MIX23: variants seen among roughly 807,000 people sequenced by gnomAD.
MIX23 encodes the protein protein MIX23.
MIX23 carries 13 observed loss-of-function variants against 21.6 expected under a neutral mutation model. That is an observed-to-expected ratio of 0.60 (90% CI 0.39 to 0.96). MIX23 has a LOEUF of 0.96. Among genes scored for constraint, MIX23 ranks in the 40% least tolerant of loss-of-function variants. The pLI, the probability that MIX23 is intolerant of heterozygous loss-of-function variation, is 0.00. For synonymous variants in MIX23, 59 were observed against 58.0 expected (o/e 1.02, Z -0.08); for missense variants, 144 against 171.2 (o/e 0.84, Z 0.89).
intron 3 of MIX23, among the ~76,000 whole-genome samples, chr3:122,365,791 C>T (rs754579178): frequency 3.3e-5 from 5 of 152,172 alleles, no homozygotes; most frequent in Non-Finnish European, 7.3e-5. Flanking sequence ...AATTTAACAG[C>T]CTTTGCCCTG....
chr3:122,360,816 T>C (rs2075352804), intron 4 of MIX23, among the ~76,000 whole-genome samples: 1 of 152,140 alleles, frequency 6.6e-6, no homozygotes, highest in African/African-American at 2.4e-5. Context: ...ACACAGAGGT[T>C]GTGAGGTACT....
chr3:122,365,198 A>G (rs2075387753), intron 3 of MIX23: 1 of 152,186 alleles, frequency 6.6e-6, no homozygotes, highest in Non-Finnish European at 1.5e-5. Flanking sequence ...CAGGTAAACT[A>G]GTGGGGATTT....
chr3:122,382,838 TG>T (rs2075544538), intron 1 of MIX23, among the ~76,000 whole-genome samples: 1 of 152,242 alleles, frequency 6.6e-6, no homozygotes, highest in African/African-American at 2.4e-5. Flanking sequence ...AGGAGAGGAA[TG>T]GCAGAAGCTG....
At position 122,370,551 on chromosome 3, in the gene MIX23, G is replaced by A. The variant is rs187441774; in HGVS notation, c.177+1124C>T. Among the ~76,000 whole-genome samples, 22 of 150,092 alleles carry A rather than the reference G, an allele frequency of 1.5e-4. No homozygotes were observed. In the East Asian group the frequency reaches 2.4e-3, roughly 16 times the overall value. On this transcript the variant is annotated intron_variant, in intron 2 of 4. Transcript: ENST00000291458. ...AGGTAGCAGATGTGAGATTAATCTAGATCTAGAGTCCATATTGTTAATCAC... is the reference window on the plus strand; with the variant it reads ...AGGTAGCAGATGTGAGATTAATCTAAATCTAGAGTCCATATTGTTAATCAC...
chr3:122,364,371 C>A (rs746865316), intron 3 of MIX23, among the ~76,000 whole-genome samples: 1 of 152,186 alleles, frequency 6.6e-6, no homozygotes, highest in African/African-American at 2.4e-5. Flanking sequence ...GCCATACAGA[C>A]CAAAATCATT....
intron 1 of MIX23, among the ~76,000 whole-genome samples, chr3:122,373,842 G>A (rs1240406076): frequency 6.6e-6 from 1 of 151,898 alleles, no homozygotes; most frequent in Admixed American, 6.6e-5. Flanking sequence ...GCAAATATCA[G>A]GTCTAAAACC....
chr3:122,376,616 T>C (rs2075489124), intron 1 of MIX23, among the ~76,000 whole-genome samples: 3 of 151,930 alleles, frequency 2.0e-5, no homozygotes, highest in African/African-American at 7.3e-5. Context: ...CGAAACTCTG[T>C]CTCCAAGTCT....
chr3:122,361,224 A>G (rs1025540557), intron 4 of MIX23, among the ~76,000 whole-genome samples: 1 of 152,210 alleles, frequency 6.6e-6, no homozygotes, highest in Admixed American at 6.5e-5. Flanking sequence ...TAAATTCTAC[A>G]TGTCACATAA....
intron 1 of MIX23, among the ~76,000 whole-genome samples, chr3:122,375,106 C>T (rs938768108): frequency 2.0e-5 from 3 of 152,080 alleles, no homozygotes; most frequent in Non-Finnish European, 4.4e-5. Flanking sequence ...TGCACTCCAG[C>T]CTGGGCAACA....
intron 1 of MIX23, chr3:122,373,119 T>C: frequency 2.9e-6 from 1 of 347,724 alleles, no homozygotes; most frequent in Non-Finnish European, 5.6e-6. Context: ...CATCCATAGT[T>C]AACCATTATC....
At chr3:122,375,226 T>A (rs1322100930) in intron 1 of MIX23, among the ~76,000 whole-genome samples, 1 of 152,136 alleles carries the variant, frequency 6.6e-6, no homozygotes, top group Non-Finnish European at 1.5e-5. Flanking sequence ...CTAACAGAAA[T>A]TGCTGAATTG....
intron 1 of MIX23, among the ~76,000 whole-genome samples, chr3:122,382,653 T>C (rs904109584): frequency 7.9e-5 from 12 of 152,214 alleles, no homozygotes; most frequent in Non-Finnish European, 1.5e-4. Context: ...AACCTCTAAA[T>C]ATTACATCTT....
chr3:122,371,546 C>T, intron 2 of MIX23, 129 bp downstream of exon 2: 1 of 1,034,722 alleles, frequency 9.7e-7, no homozygotes, highest in Non-Finnish European at 1.5e-6. Context: ...AACTTATATA[C>T]ACCATCAGGT....
Position 122,383,211 on chromosome 3 carries a change from C to T in MIX23, c.14G>A (p.Ser5Asn), listed in dbSNP as rs2075550515. ...GAACTCCTCACAGTTCACACCGCCACTGGGCGCCGCCATATTGGACAAACA... is the reference window on the plus strand; with the variant it reads ...GAACTCCTCACAGTTCACACCGCCATTGGGCGCCGCCATATTGGACAAACA... MAAP[S>N]GGVNCEEFAE... The change falls in exon 1 of 5, where the codon AGT becomes AAT. Residue 5 changes from serine to asparagine, a missense_variant. By Grantham distance (46) the Ser-to-Asn change is conservative (BLOSUM62 1). Transcript: ENST00000291458. The T allele has an allele frequency of 1.9e-6, 3 of 1,613,006 alleles. No individual in the cohort carries two copies. Among genetic ancestry groups the T allele is most frequent in the Non-Finnish European group, 2.5e-6 (3 of 1,180,036 alleles).
At chr3:122,364,255 C>CAT (rs1222918066) in intron 3 of MIX23, among the ~76,000 whole-genome samples, 1 of 152,218 alleles carries the variant, frequency 6.6e-6, no homozygotes, top group East Asian at 1.9e-4. Context: ...ATGGCTAGAA[C>CAT]TGTGGAACAA....
chr3:122,376,743 T>C (rs975032818), intron 1 of MIX23, among the ~76,000 whole-genome samples: 20 of 152,144 alleles, frequency 1.3e-4, no homozygotes, highest in African/African-American at 4.6e-4. Context: ...TGCTTGCTTA[T>C]AAATGGTAGC....
chr3:122,360,278 C>A (rs545229854), intron 4 of MIX23, among the ~76,000 whole-genome samples: 1 of 152,026 alleles, frequency 6.6e-6, no homozygotes, highest in African/African-American at 2.4e-5. Flanking sequence ...ATAAAGAATG[C>A]TCAATAACTA....
intron 1 of MIX23, among the ~76,000 whole-genome samples, chr3:122,375,993 C>G (rs1421461057): frequency 6.6e-6 from 1 of 151,856 alleles, no homozygotes; most frequent in Non-Finnish European, 1.5e-5. Flanking sequence ...GAAACCCCAT[C>G]TCTACTAAAA....
At chr3:122,362,728 C>T (rs963836957) in intron 4 of MIX23, among the ~76,000 whole-genome samples, 1 of 152,150 alleles carries the variant, frequency 6.6e-6, no homozygotes, top group Non-Finnish European at 1.5e-5. Flanking sequence ...GTGTGAGCCA[C>T]CTCGCCTGGC....
Sources: allele counts gnomAD v4.1 joint callset (sites outside exome capture counted in the v4.1 genomes callset), GRCh38; gene constraint gnomAD v4.1.1; transcripts MANE v1.5; gene names NCBI Gene and HGNC (gene_info 2026-07-23, HGNC 2026-07-21).